Variants in MACROD2 observed in about 807,000 individuals in gnomAD.
MACROD2 encodes the protein mono-ADP ribosylhydrolase 2, also known as ADP-ribose glycohydrolase MACROD2.
MACROD2 carries 36 observed loss-of-function variants against 70.4 expected under a neutral mutation model. The ratio of observed to expected loss-of-function variants is 0.51; its 90% CI spans 0.39 to 0.68. MACROD2 has a LOEUF of 0.68. MACROD2 is among the 30% of genes least tolerant of loss of function. The pLI, the probability that MACROD2 is intolerant of heterozygous loss-of-function variation, is 0.00. For missense variants in MACROD2, 496 were observed against 538.4 expected (o/e 0.92, Z 0.78); for synonymous variants, 172 against 178.8 (o/e 0.96, Z 0.30).
chr20:15,285,539 A>G (rs1051434184), intron 6 of MACROD2, among the ~76,000 whole-genome samples: 2 of 152,190 alleles, frequency 1.3e-5, no homozygotes, highest in Non-Finnish European at 2.9e-5. Context: ...GTACTTCAAT[A>G]TGAAGTTTTC....
intron 8 of MACROD2, among the ~76,000 whole-genome samples, chr20:15,832,109 T>C (rs1381228039): frequency 6.6e-6 from 1 of 151,562 alleles, no homozygotes; most frequent in East Asian, 2.0e-4. Context: ...TGGTTCAAAA[T>C]GGAAAAAAGT....
chr20:15,980,769 G>C lies in MACROD2; in HGVS notation c.986-5958G>C, dbSNP rs2147451492. On this transcript the variant is annotated intron_variant, in intron 13 of 17. Coordinates refer to ENST00000684519, the MANE Select transcript of MACROD2 (RefSeq NM_001351661.2). ...AAATTTCTTATAGACTTCTCTTTTA[G>C]CTGCTAGCAAGTACTTGAGAGCTAA... Among the ~76,000 whole-genome samples, 5 of 152,254 alleles carry C rather than the reference G, an allele frequency of 3.3e-5. No homozygotes were observed. The South Asian group carries it at 1.0e-3, about 32-fold the overall frequency.
intron 3 of MACROD2, among the ~76,000 whole-genome samples, chr20:14,162,041 A>T (rs1222502107): frequency 6.6e-6 from 1 of 152,164 alleles, no homozygotes; most frequent in Non-Finnish European, 1.5e-5. Flanking sequence ...CCCTCTTAGC[A>T]CTGCTTTTGC....
At chr20:14,884,998 G>T (rs1409488968) in intron 5 of MACROD2, among the ~76,000 whole-genome samples, 3 of 152,048 alleles carry the variant, frequency 2.0e-5, no homozygotes, top group African/African-American at 7.2e-5. Flanking sequence ...CATTTGTCCT[G>T]CCTTTCCAGG....
intron 8 of MACROD2, among the ~76,000 whole-genome samples, chr20:15,627,353 CT>C (rs1297521845): frequency 6.6e-6 from 1 of 152,062 alleles, no homozygotes; most frequent in East Asian, 1.9e-4. Flanking sequence ...CAAGTTCTTC[CT>C]GCCCCACTGC....
chr20:15,510,584 G>C (rs922174350), intron 8 of MACROD2, among the ~76,000 whole-genome samples: 3 of 152,180 alleles, frequency 2.0e-5, no homozygotes, highest in African/African-American at 7.2e-5. Flanking sequence ...CCATCTCATT[G>C]TTTCTCTAAT....
intron 5 of MACROD2, 149 bp from the exon 6 acceptor site, chr20:15,229,791 C>A: frequency 1.4e-6 from 1 of 735,594 alleles, no homozygotes; most frequent in Admixed American, 3.6e-5. Flanking sequence ...GATCTTCTAC[C>A]AGAGAAATAT....
chr20:14,365,893 A>G (rs1022418597), intron 3 of MACROD2, among the ~76,000 whole-genome samples: 2 of 152,018 alleles, frequency 1.3e-5, no homozygotes, highest in Non-Finnish European at 2.9e-5. Context: ...TTTAATTTTT[A>G]TGTATTTGTG....
chr20:14,470,316 G>C (rs1016844129), intron 3 of MACROD2, among the ~76,000 whole-genome samples: 5 of 152,080 alleles, frequency 3.3e-5, no homozygotes, highest in Admixed American at 1.3e-4. Context: ...TTTCAGAGGG[G>C]CATCTGCCAG....
At chr20:14,329,086 A>T (rs2082788017) in intron 3 of MACROD2, 2 of 152,100 alleles carry the variant, frequency 1.3e-5, no homozygotes, top group South Asian at 4.1e-4. Flanking sequence ...ATCCAGGATT[A>T]TCCAAGTATA....
intron 3 of MACROD2, among the ~76,000 whole-genome samples, chr20:14,226,346 T>A (rs1003259689): frequency 6.6e-6 from 1 of 152,212 alleles, no homozygotes; most frequent in African/African-American, 2.4e-5. Context: ...GACAGCATGC[T>A]GGCAGTCCTC....
At chr20:14,874,810 T>A (rs1393736143) in intron 5 of MACROD2, among the ~76,000 whole-genome samples, 1 of 151,888 alleles carries the variant, frequency 6.6e-6, no homozygotes, top group Non-Finnish European at 1.5e-5. Context: ...GTTCAGATGA[T>A]CCTCATGCCT....
chr20:15,450,981 G>T (rs2046633262), intron 7 of MACROD2, among the ~76,000 whole-genome samples: 2 of 152,140 alleles, frequency 1.3e-5, no homozygotes, highest in African/African-American at 4.8e-5. Flanking sequence ...ACAAGCTAAA[G>T]ACAGATACAG....
intron 4 of MACROD2, among the ~76,000 whole-genome samples, chr20:14,660,659 C>T (rs1352654982): frequency 3.9e-5 from 6 of 152,042 alleles, no homozygotes; most frequent in Admixed American, 1.3e-4. Context: ...GAACATAGAA[C>T]CTGATAGGTA....
chr20:15,252,408 G>C (rs2077163614), intron 6 of MACROD2, among the ~76,000 whole-genome samples: 1 of 152,160 alleles, frequency 6.6e-6, no homozygotes, highest in Non-Finnish European at 1.5e-5. Context: ...TGTCCATAGA[G>C]GCAGCTCCAG....
chr20:15,875,539 C>A (rs1230443372), intron 9 of MACROD2, among the ~76,000 whole-genome samples: 1 of 151,886 alleles, frequency 6.6e-6, no homozygotes, highest in Non-Finnish European at 1.5e-5. Flanking sequence ...CTTGATGGGC[C>A]TCAAAAGCTG....
chr20:15,422,265 CT>C (rs2046239340), intron 6 of MACROD2, among the ~76,000 whole-genome samples: 1 of 152,146 alleles, frequency 6.6e-6, no homozygotes. Flanking sequence ...CGGAAGGATT[CT>C]CACTCTACTC....
chr20:15,795,200 A>G (rs1443774919), intron 8 of MACROD2, among the ~76,000 whole-genome samples: 1 of 152,186 alleles, frequency 6.6e-6, no homozygotes, highest in Non-Finnish European at 1.5e-5. Flanking sequence ...GTGACGAGTT[A>G]TAAGACATCA....
intron 7 of MACROD2, among the ~76,000 whole-genome samples, chr20:15,485,326 C>G (rs952313207): frequency 6.6e-6 from 1 of 151,234 alleles, no homozygotes; most frequent in African/African-American, 2.4e-5. Flanking sequence ...CTCCACCTTC[C>G]CAAAGAGGTC....
Sources: gnomAD v4.1 joint callset for allele counts (sites outside exome capture counted in the v4.1 genomes callset) on GRCh38, gnomAD v4.1.1 for gene constraint, MANE v1.5 for transcripts, NCBI Gene and HGNC (gene_info 2026-07-23, HGNC 2026-07-21) for gene names.